LARS1: variants seen among roughly 807,000 people sequenced by gnomAD.
LARS1 encodes the protein leucine--tRNA ligase, cytoplasmic.
Under a neutral mutation model 162.8 loss-of-function variants are expected in LARS1, and 100 were observed. The observed-to-expected ratio is 0.61, with a 90% CI of 0.52 to 0.73. The LOEUF (loss-of-function observed/expected upper bound fraction) is 0.73. Among genes scored for constraint, LARS1 ranks in the 30% least tolerant of loss-of-function variants. LARS1 has a pLI of 0.00. For synonymous variants in LARS1, 457 were observed against 462.8 expected, an observed-to-expected ratio of 0.99 and a Z score of 0.16; for missense variants, 1,258 against 1,408.9, an observed-to-expected ratio of 0.89 and a Z score of 1.71.
intron 14 of LARS1, among the ~76,000 whole-genome samples, chr5:146,150,264 G>A (rs1753215050): frequency 6.6e-6 from 1 of 151,894 alleles, no homozygotes; most frequent in Non-Finnish European, 1.5e-5. Context: ...AGCTTTCTCT[G>A]GTAATAAAGC....
chr5:146,153,345 TC>T, intron 12 of LARS1, 118 bp from the exon 13 acceptor site: 1 of 735,522 alleles, frequency 1.4e-6, no homozygotes, highest in Non-Finnish European at 2.3e-6. Context: ...TGTTCTCCTC[TC>T]CATAGAGAGC....
In LARS1 at chr5:146,182,205, T is replaced by C. The variant is rs543528846; in HGVS notation, c.6+283A>G. On this transcript the variant is annotated intron_variant, in intron 1 of 31. Transcript: ENST00000394434. ...ATCCACCCGCCTCGGCCTCCCAAAG[T>C]GCTGGGATTACAGCCGTGGGCCACC... 4 of 464,686 alleles carry C rather than the reference T, an allele frequency of 8.6e-6. No individual in the cohort carries two copies. The East Asian group carries it at 1.1e-4, about 13-fold the overall frequency. The allele number at this position is 464,686 out of a possible 1,614,324, so 28.8% of individuals were successfully genotyped here.
At chr5:146,176,408 C>T (rs1209293338) in intron 2 of LARS1, among the ~76,000 whole-genome samples, 2 of 137,786 alleles carry the variant, frequency 1.5e-5, no homozygotes, top group African/African-American at 5.5e-5. Flanking sequence ...GCCGAGATGG[C>T]GCCACTGCAC....
At chr5:146,141,678 G>A (rs1206552714) in intron 20 of LARS1, among the ~76,000 whole-genome samples, 5 of 151,942 alleles carry the variant, frequency 3.3e-5, no homozygotes, top group Non-Finnish European at 7.4e-5. Flanking sequence ...GGTGACATGT[G>A]GCTAGTCCCA....
At chr5:146,135,800 T>G in intron 21 of LARS1, 136 bp from the exon 22 acceptor site, 4 of 588,624 alleles carry the variant, frequency 6.8e-6, no homozygotes, top group South Asian at 2.3e-5. Flanking sequence ...GAAAAGATAT[T>G]ACACTAATTT....
chr5:146,122,281 A>G (rs953649776), intron 30 of LARS1, among the ~76,000 whole-genome samples: 1 of 152,022 alleles, frequency 6.6e-6, no homozygotes, highest in African/African-American at 2.4e-5. Context: ...TAGTAAACTG[A>G]GGAAAAGGTA....
intron 2 of LARS1, among the ~76,000 whole-genome samples, chr5:146,177,203 A>G (rs1435387117): frequency 6.6e-6 from 1 of 152,060 alleles, no homozygotes; most frequent in African/African-American, 2.4e-5. Context: ...GTGGTGGCTC[A>G]CGCCTGTAAT....
intron 31 of LARS1, among the ~76,000 whole-genome samples, chr5:146,117,100 TA>T (rs1431119898): frequency 2.6e-5 from 4 of 152,202 alleles, no homozygotes; most frequent in Admixed American, 1.3e-4. Context: ...TAAGACACTT[TA>T]GATAATATTT....
chr5:146,140,402 T>C lies in LARS1; in HGVS notation c.2091-141A>G. 4.7e-6 allele frequency: 3 copies of C among 641,488 alleles called. No individual in the cohort carries two copies. The South Asian group carries it at 5.7e-5, about 12-fold the overall frequency. The allele number at this position is 641,488 out of a possible 1,614,324, so 39.7% of individuals were successfully genotyped here. A position where few individuals can be genotyped will look rare whatever the true frequency, so the allele number is the denominator to read the frequency against. On this transcript the variant is annotated intron_variant, in intron 20 of 31. Transcript: ENST00000394434. Reference sequence around the variant, plus strand: ...AGGATATACACTATAGTCCTTTTTGTAATGGGAAGTGAAAACAAATCAAAG... The same window carrying C: ...AGGATATACACTATAGTCCTTTTTGCAATGGGAAGTGAAAACAAATCAAAG...
chr5:146,126,624 T>C (rs1752061757), intron 27 of LARS1, 79 bp from the exon 28 acceptor site: 2 of 886,768 alleles, frequency 2.3e-6, no homozygotes, highest in Non-Finnish European at 3.7e-6. Context: ...TGACCAGGCA[T>C]AGAATGGTGG....
chr5:146,153,259 A>T, intron 12 of LARS1, 32 bp from the exon 13 acceptor site: 1 of 1,443,930 alleles, frequency 6.9e-7, no homozygotes, highest in Middle Eastern at 1.7e-4. Flanking sequence ...AACACTAATG[A>T]TCAACACTTT....
In LARS1 at chr5:146,143,508, A is replaced by C; in HGVS notation, c.1781T>G (p.Leu594Arg). Residue 594 changes from leucine (L) to arginine (R), a missense_variant, in exon 19 of 32, where the codon CTT becomes CGT. Coordinates refer to ENST00000394434, the MANE Select transcript of LARS1 (RefSeq NM_020117.11). The stretch of plus-strand genomic sequence containing the variant: ...TGCCATGTAAATAGTGGAGTCAGAA[A>C]GTGATTCAATCAGCCACTGCTCATC... ...PWDEQWLIES[L>R]SDSTIYMAFY... The C allele has an allele frequency of 6.2e-7, 1 of 1,614,062 alleles. No individual in the cohort carries two copies. Among genetic ancestry groups the C allele is most frequent in the African/African-American group, 1.3e-5 (1 of 75,038 alleles).
At chr5:146,114,888 C>T (rs1031120033) in intron 31 of LARS1, among the ~76,000 whole-genome samples, 1 of 150,784 alleles carries the variant, frequency 6.6e-6, no homozygotes, top group Non-Finnish European at 1.5e-5. Context: ...TACTAAAATA[C>T]AAAAAATTAG....
chr5:146,177,261 T>C (rs1025003436), intron 2 of LARS1, among the ~76,000 whole-genome samples: 6 of 151,252 alleles, frequency 4.0e-5, no homozygotes, highest in Admixed American at 2.6e-4. Flanking sequence ...GGTCAGAAGA[T>C]CGAGACCACC....
chr5:146,167,809 G>A (rs1347944636), intron 5 of LARS1, among the ~76,000 whole-genome samples: 3 of 121,766 alleles, frequency 2.5e-5, no homozygotes, highest in Non-Finnish European at 1.8e-5. Context: ...GATTACAGGC[G>A]TGAGCCACCG....
intron 20 of LARS1, among the ~76,000 whole-genome samples, chr5:146,141,058 C>T (rs1184134853): frequency 1.3e-5 from 2 of 152,132 alleles, no homozygotes; most frequent in African/African-American, 4.8e-5. Flanking sequence ...AGTGTGCAGG[C>T]AAGGATGAAA....
chr5:146,161,660 G>A (rs1482334175), intron 6 of LARS1, among the ~76,000 whole-genome samples: 1 of 152,026 alleles, frequency 6.6e-6, no homozygotes, highest in East Asian at 1.9e-4. Flanking sequence ...GGCTGAGGCA[G>A]GAGAATCACT....
At chr5:146,148,648 GA>G (rs1753124878) in intron 15 of LARS1, among the ~76,000 whole-genome samples, 1 of 151,860 alleles carries the variant, frequency 6.6e-6, no homozygotes, top group East Asian at 1.9e-4. Context: ...GGACGTTAGA[GA>G]AAACAAAAAG....
Position 146,128,736 on chromosome 5 carries a change from T to C in LARS1, c.2816A>G (p.Tyr939Cys), listed in dbSNP as rs757195926. The change falls in exon 27 of 32, where the codon TAT becomes TGT. Residue 939 changes from tyrosine (Y) to cysteine (C), a missense_variant. Physicochemically the swap from Tyr to Cys is radical, Grantham distance 194 (BLOSUM62 -2). Coordinates refer to ENST00000394434, the MANE Select transcript of LARS1 (RefSeq NM_020117.11). ...PLQKPSHCTI[Y>C]VAKNYPPWQH... ...CCAAGGTGGATAGTTCTTTGCCACA[T>C]AGATGGTGCAATGTGAGGGCTTCTG... 1.7e-5 allele frequency: 27 copies of C among 1,601,816 alleles called. No individual in the cohort carries two copies. The Admixed American group carries it at 2.3e-4, about 14-fold the overall frequency.
Sources: gnomAD v4.1 joint callset for allele counts (sites outside exome capture counted in the v4.1 genomes callset) on GRCh38, gnomAD v4.1.1 for gene constraint, MANE v1.5 for transcripts, NCBI Gene and HGNC (gene_info 2026-07-23, HGNC 2026-07-21) for gene names.